The following ASTN2 variants were observed in gnomAD, a reference collection of about 807,000 sequenced individuals.
ASTN2 encodes astrotactin 2, also known as astrotactin-2.
Under a neutral mutation model 139.8 loss-of-function variants are expected in ASTN2, and 54 were observed. The observed-to-expected ratio is 0.39, with a 90% CI of 0.31 to 0.48. The LOEUF (loss-of-function observed/expected upper bound fraction) is 0.48. ASTN2 is among the 20% of genes least tolerant of loss of function. ASTN2 has a pLI of 0.95. For missense variants in ASTN2, 1,565 were observed against 1,725.1 expected, an observed-to-expected ratio of 0.91 and a Z score of 1.64; for synonymous variants, 756 against 719.5, an observed-to-expected ratio of 1.05 and a Z score of -0.81.
At chr9:117,239,505 G>A (rs991388372) in intron 2 of ASTN2, among the ~76,000 whole-genome samples, 1 of 152,198 alleles carries the variant, frequency 6.6e-6, no homozygotes, top group African/African-American at 2.4e-5. Context: ...GCTGCCATTG[G>A]AGAAAAGAAG....
intron 3 of ASTN2, among the ~76,000 whole-genome samples, chr9:117,143,878 T>G (rs1213973471): frequency 6.6e-6 from 1 of 152,164 alleles, no homozygotes; most frequent in Non-Finnish European, 1.5e-5. Flanking sequence ...TCAGGGCCCC[T>G]TCTTATGACC....
intron 13 of ASTN2, among the ~76,000 whole-genome samples, chr9:116,738,204 A>AG (rs1237950716): frequency 1.3e-5 from 2 of 151,040 alleles, no homozygotes; most frequent in Non-Finnish European, 3.0e-5. Context: ...AAAAAAAAAA[A>AG]AGACTACATA....
chr9:116,496,500 T>G (rs931793672), intron 19 of ASTN2, among the ~76,000 whole-genome samples: 2 of 152,108 alleles, frequency 1.3e-5, no homozygotes, highest in African/African-American at 4.8e-5. Flanking sequence ...AAGGTATATC[T>G]TCAAGTTTGC....
intron 2 of ASTN2, among the ~76,000 whole-genome samples, chr9:117,268,622 T>A (rs1270391060): frequency 1.3e-5 from 2 of 152,236 alleles, no homozygotes; most frequent in Non-Finnish European, 2.9e-5. Flanking sequence ...AAAGATTAAG[T>A]GCTTAACACA....
At chr9:117,342,745 GAAGA>G (rs1829099963) in intron 1 of ASTN2, among the ~76,000 whole-genome samples, 1 of 152,184 alleles carries the variant, frequency 6.6e-6, no homozygotes. Context: ...GTTTTATATA[GAAGA>G]AATAGAATAT....
chr9:117,030,118 C>A (rs1444775240), intron 6 of ASTN2, among the ~76,000 whole-genome samples: 1 of 152,142 alleles, frequency 6.6e-6, no homozygotes, highest in Non-Finnish European at 1.5e-5. Flanking sequence ...TCCTGGGCCA[C>A]AGATCAATCC....
chr9:117,151,859 C>A (rs1433714847), intron 3 of ASTN2, among the ~76,000 whole-genome samples: 1 of 152,072 alleles, frequency 6.6e-6, no homozygotes. Flanking sequence ...CTTCCAAGAC[C>A]CTCATTTAAA....
chr9:116,504,794 G>A (rs1357314694), intron 19 of ASTN2, among the ~76,000 whole-genome samples: 1 of 150,360 alleles, frequency 6.7e-6, no homozygotes, highest in Non-Finnish European at 1.5e-5. Flanking sequence ...TACTCAGGAA[G>A]CTGAGGTGGG....
At chr9:117,220,927 C>A (rs549969515) in intron 2 of ASTN2, among the ~76,000 whole-genome samples, 26 of 152,300 alleles carry the variant, frequency 1.7e-4, no homozygotes, top group African/African-American at 6.3e-4. Context: ...GCTTTCATGG[C>A]TCCAGTCCTC....
chr9:117,288,171 A>C (rs891095422), intron 2 of ASTN2, among the ~76,000 whole-genome samples: 2 of 152,212 alleles, frequency 1.3e-5, no homozygotes, highest in Non-Finnish European at 2.9e-5. Flanking sequence ...TTTCTGGACT[A>C]GGTTCAGAGT....
In ASTN2 at chr9:116,667,895, G is replaced by A. The variant is rs1468952027; in HGVS notation, c.2807-16102C>T. On this transcript the variant is annotated intron_variant, in intron 16 of 22. Coordinates refer to ENST00000313400, the MANE Select transcript of ASTN2 (RefSeq NM_001365068.1). ...ACAGAGTGGTACATTTGTTACAACTGATGAACGTACACTGACATATCATAA... is the reference window on the plus strand; with the variant it reads ...ACAGAGTGGTACATTTGTTACAACTAATGAACGTACACTGACATATCATAA... Among the ~76,000 whole-genome samples, 5 of 125,308 alleles carry A rather than the reference G, an allele frequency of 4.0e-5. No individual in the cohort carries two copies. In the South Asian group the frequency reaches 1.4e-3, roughly 34 times the overall value. The allele number at this position is 125,308 out of a possible 152,430, so 82.2% of individuals were successfully genotyped here.
At chr9:116,781,245 C>CA (rs1830212068) in intron 13 of ASTN2, among the ~76,000 whole-genome samples, 1 of 152,148 alleles carries the variant, frequency 6.6e-6, no homozygotes, top group Non-Finnish European at 1.5e-5. Context: ...GCCCATGGAA[C>CA]AGGCCTTGTC....
intron 10 of ASTN2, among the ~76,000 whole-genome samples, chr9:116,907,199 T>C (rs1183150505): frequency 6.6e-6 from 1 of 152,162 alleles, no homozygotes; most frequent in Non-Finnish European, 1.5e-5. Context: ...GTTTACTGAT[T>C]GTTTAAGAAG....
chr9:117,157,175 A>G (rs1384843794), intron 3 of ASTN2, among the ~76,000 whole-genome samples: 2 of 152,064 alleles, frequency 1.3e-5, no homozygotes, highest in Non-Finnish European at 2.9e-5. Flanking sequence ...AGACATAGAC[A>G]GGAGGGAAGC....
At chr9:116,628,534 G>A (rs1193110808) in intron 17 of ASTN2, among the ~76,000 whole-genome samples, 1 of 152,062 alleles carries the variant, frequency 6.6e-6, no homozygotes, top group Non-Finnish European at 1.5e-5. Flanking sequence ...GCTAACCTAT[G>A]GAGACAGTAA....
intron 3 of ASTN2, among the ~76,000 whole-genome samples, chr9:117,173,407 C>A (rs1000857512): frequency 6.6e-6 from 1 of 152,062 alleles, no homozygotes; most frequent in Non-Finnish European, 1.5e-5. Context: ...AATGGTTACA[C>A]ATGAAATGTT....
In ASTN2 at chr9:117,094,523, A is replaced by G. The variant is rs146029830; in HGVS notation, c.1276+1521T>C. ...AGAATCATCAATCGTCAACTTCTAA[A>G]TCTCCAATGCAGGTTCCCGGAAGCT... On this transcript the variant is annotated intron_variant, in intron 5 of 22. Coordinates refer to ENST00000313400, the MANE Select transcript of ASTN2 (RefSeq NM_001365068.1). 1.2e-3 allele frequency among the ~76,000 whole-genome samples: 189 copies of G among 152,202 alleles called. 4 individuals are homozygous for G. Among genetic ancestry groups the G allele is most frequent in the African/African-American group, 4.3e-3 (179 of 41,538 alleles).
intron 13 of ASTN2, among the ~76,000 whole-genome samples, chr9:116,803,139 C>T (rs955465895): frequency 6.6e-6 from 1 of 151,956 alleles, no homozygotes; most frequent in Non-Finnish European, 1.5e-5. Context: ...GGAATAATTC[C>T]TTTATTTTTT....
At chr9:117,051,534 A>C (rs577140551) in intron 5 of ASTN2, among the ~76,000 whole-genome samples, 1 of 152,246 alleles carries the variant, frequency 6.6e-6, no homozygotes, top group Non-Finnish European at 1.5e-5. Context: ...TCCTACAACT[A>C]TAACCAGCTG....
Sources: allele counts gnomAD v4.1 joint callset (sites outside exome capture counted in the v4.1 genomes callset), GRCh38; gene constraint gnomAD v4.1.1; transcripts MANE v1.5; gene names NCBI Gene and HGNC (gene_info 2026-07-23, HGNC 2026-07-21).